Variants in F8 observed in about 807,000 individuals in gnomAD.
The protein encoded by F8 is coagulation factor VIII.
F8 carries 12 observed loss-of-function variants against 140.6 expected under a neutral mutation model. That is an observed-to-expected ratio of 0.09 (90% confidence interval 0.05 to 0.14). The LOEUF (loss-of-function observed/expected upper bound fraction) is 0.14. Ranked by LOEUF, F8 falls within the 10% of genes least tolerant of loss-of-function variation. F8 has a pLI of 1.00. For missense variants in F8, 1,354 were observed against 1,720.7 expected (o/e 0.79, Z 3.77); for synonymous variants, 585 against 614.6 (o/e 0.95, Z 0.71).
At chrX:154,928,472 C>A in intron 14 of F8, 99 bp downstream of exon 14, 1 of 766,158 alleles carries the variant, frequency 1.3e-6, no homozygotes, top group East Asian at 3.3e-5. Context: ...TTTCAAGACA[C>A]CTTGATTTTT....
At chrX:154,943,728 T>G (rs1352641512) in intron 13 of F8, among the ~76,000 whole-genome samples, 1 of 111,434 alleles carries the variant, frequency 9.0e-6, no homozygotes, top group African/African-American at 3.3e-5. Flanking sequence ...CTAAGCCTAA[T>G]GAACAAAGCT....
At chrX:154,998,579 T>G (rs28370235) in intron 2 of F8, among the ~76,000 whole-genome samples, 4,121 of 112,523 alleles carry the variant, frequency 0.037, 91 homozygotes, top group Non-Finnish European at 0.058. Flanking sequence ...CTCCTGATCT[T>G]GGCATGGGAT....
At position 154,987,326 on chromosome X, in the gene F8, T is replaced by C. The variant is rs782245305; in HGVS notation, c.602-21A>G. 95 of 1,179,350 alleles carry C rather than the reference T, an allele frequency of 8.1e-5. 1 individual carries two copies. Among genetic ancestry groups the C allele is most frequent in the South Asian group, 1.1e-4 (6 of 55,837 alleles). On this transcript the variant is annotated intron_variant, in intron 4 of 25. Coordinates refer to ENST00000360256, the MANE Select transcript of F8 (RefSeq NM_000132.4). ...ACTCCCTGAAAAAGAAGTGAGAACATTTATCTTCTATTTAAAAAATCTCAT... is the reference window on the plus strand; with the variant it reads ...ACTCCCTGAAAAAGAAGTGAGAACACTTATCTTCTATTTAAAAAATCTCAT...
intron 3 of F8, among the ~76,000 whole-genome samples, chrX:154,994,729 C>T (rs782770813): frequency 3.1e-4 from 35 of 111,918 alleles, no homozygotes; most frequent in African/African-American, 1.1e-3. Context: ...GACACTAAAA[C>T]TGACCTGTGG....
At position 154,861,869 on chromosome X, in the gene F8, C is replaced by T; in HGVS notation, c.6575-3G>A. On this transcript the variant is annotated splice_region_variant and splice_polypyrimidine_tract_variant and intron_variant, in intron 23 of 25. Transcript: ENST00000360256. ...CATTCCCAATGGCATGCTGCAACCT[C>T]AAAGAAAAGAAAAAAGAAGGTTATC... 1.7e-6 allele frequency: 2 copies of T among 1,210,600 alleles called. No individual in the cohort carries two copies. The highest frequency in any genetic ancestry group is 2.2e-6 in the Non-Finnish European group (2 of 895,027).
At position 154,993,111 on chromosome X, in the gene F8, T is replaced by C; in HGVS notation, c.426A>G (p.Lys142=). Reference sequence around the variant, plus strand: ...CACCAGGGAAGACTTTATCATCTTCTTTCTCCCTTTGACTGGTCTGATCAT... The same window carrying C: ...CACCAGGGAAGACTTTATCATCTTCCTTCTCCCTTTGACTGGTCTGATCAT... ...EYDDQTSQRE[K]EDDKVFPGGS... is the part of the protein sequence containing the mutation. The change falls in exon 4 of 26, where the codon AAA becomes AAG. Residue 142 remains lysine (K), a synonymous_variant. Coordinates refer to ENST00000360256, the MANE Select transcript of F8 (RefSeq NM_000132.4). 8.3e-7 allele frequency: 1 copy of C among 1,211,782 alleles called. No homozygotes were observed. Among genetic ancestry groups the C allele is most frequent in the Non-Finnish European group, 1.1e-6 (1 of 895,395 alleles).
intron 6 of F8, among the ~76,000 whole-genome samples, chrX:154,971,274 C>A (rs781952400): frequency 8.9e-6 from 1 of 111,761 alleles, no homozygotes; most frequent in South Asian, 3.7e-4. Flanking sequence ...CTTTTGTATG[C>A]GTCCTGTTCC....
chrX:154,838,984 C>T (rs2072497206), intron 25 of F8, among the ~76,000 whole-genome samples: 1 of 91,194 alleles, frequency 1.1e-5, no homozygotes, highest in Admixed American at 1.3e-4. Flanking sequence ...CCCACCTTGG[C>T]CCCCTTACTC....
chrX:155,004,923 A>G (rs1557285969), intron 1 of F8, among the ~76,000 whole-genome samples: 1 of 111,565 alleles, frequency 9.0e-6, no homozygotes, highest in African/African-American at 3.3e-5. Flanking sequence ...ACTCTAGATC[A>G]ATGGCCATCG....
Position 154,903,129 on chromosome X carries a change from G to T in F8, c.5998+777C>A, listed in dbSNP as rs17336815. ...AGCAGAAAAGTTACAGGGCTTATCA[G>T]AATTTTTACGAAGAAATAAGGAAAG... On this transcript the variant is annotated intron_variant, in intron 18 of 25. Transcript: ENST00000360256. Among the ~76,000 whole-genome samples, 24 of 111,418 alleles carry T rather than the reference G, an allele frequency of 2.2e-4. No individual in the cohort carries two copies. The East Asian group carries it at 6.1e-3, about 28-fold the overall frequency.
intron 25 of F8, among the ~76,000 whole-genome samples, chrX:154,847,058 G>A (rs1485123205): frequency 1.8e-5 from 2 of 111,086 alleles, no homozygotes; most frequent in South Asian, 3.8e-4. Context: ...AGTTTGGCTG[G>A]ATATGAAATT....
rs898499600 is a variant in F8, at chrX:154,987,005, C to T, written c.670+232G>A. Among the ~76,000 whole-genome samples the T allele has an allele frequency of 4.7e-4, 53 of 111,973 alleles. 1 individual carries two copies. The highest frequency in any genetic ancestry group is 3.4e-4 in the Non-Finnish European group (18 of 53,188). ...AAGTAGAGCCCAAAGTATTTGTTGA[C>T]AGTCTTAATGAGGGGGATGAGGCCA... On this transcript the variant is annotated intron_variant, in intron 5 of 25. Coordinates refer to ENST00000360256, the MANE Select transcript of F8 (RefSeq NM_000132.4).
chrX:154,896,267 T>A (rs2072979094), intron 21 of F8, 35 bp from the exon 22 acceptor site: 1 of 1,176,495 alleles, frequency 8.5e-7, no homozygotes, highest in Admixed American at 2.2e-5. Flanking sequence ...TTTAACCTAT[T>A]TTTAAATGTA....
intron 4 of F8, among the ~76,000 whole-genome samples, 187 bp downstream of exon 4, chrX:154,992,749 T>C (rs1230854439): frequency 8.9e-6 from 1 of 112,658 alleles, no homozygotes; most frequent in African/African-American, 3.2e-5. Flanking sequence ...TAGAGTTTAT[T>C]GTGGTTATAT....
chrX:154,951,556 G>T (rs2073337859), intron 12 of F8, among the ~76,000 whole-genome samples: 1 of 111,671 alleles, frequency 9.0e-6, no homozygotes, highest in African/African-American at 3.3e-5. Flanking sequence ...TATTCATATT[G>T]TTGTGTATAG....
rs2073725877 is a variant in F8 at position 155,014,691 on chromosome X, C to A, written c.143+7719G>T. On this transcript the variant is annotated intron_variant, in intron 1 of 25. Coordinates refer to ENST00000360256, the MANE Select transcript of F8 (RefSeq NM_000132.4). ...GATACAATTAACAATAGCATCGAAT[C>A]CCTCAAAATACTTGGGGATACAATT... is the stretch of plus-strand genomic sequence containing the variant. Among the ~76,000 whole-genome samples the A allele has an allele frequency of 7.1e-5, 8 of 112,210 alleles. No homozygotes were observed. In the Admixed American group the frequency reaches 7.5e-4, roughly 11 times the overall value.
intron 21 of F8, among the ~76,000 whole-genome samples, chrX:154,899,528 G>T (rs943725070): frequency 8.9e-6 from 1 of 112,415 alleles, no homozygotes; most frequent in Non-Finnish European, 1.9e-5. Context: ...TTTGTTTTAT[G>T]TTAAAATAAA....
chrX:154,997,168 GAGTCAAGGTCAC>G, intron 2 of F8, 73 bp from the exon 3 acceptor site: 1 of 1,137,512 alleles, frequency 8.8e-7, no homozygotes, highest in East Asian at 3.0e-5. Flanking sequence ...CCAAAAGTTA[GAGTCAAGGTCAC>G]AGTGGAGAAG....
intron 13 of F8, among the ~76,000 whole-genome samples, chrX:154,937,524 C>G (rs1603433999): frequency 9.1e-6 from 1 of 109,727 alleles, no homozygotes; most frequent in Non-Finnish European, 1.9e-5. Flanking sequence ...ATATAAATAA[C>G]AATATCAGGT....
Sources: allele counts gnomAD v4.1 joint callset (sites outside exome capture counted in the v4.1 genomes callset), GRCh38; gene constraint gnomAD v4.1.1; transcripts MANE v1.5; gene names NCBI Gene and HGNC (gene_info 2026-07-23, HGNC 2026-07-21).